The following IL18 variants were observed in gnomAD, a reference collection of about 807,000 sequenced individuals.
IL18 encodes interleukin 18.
In IL18, 8 loss-of-function variants were observed where a neutral mutation model predicts 14.2. The ratio of observed to expected loss-of-function variants is 0.56; its 90% confidence interval spans 0.33 to 1.01. The LOEUF (loss-of-function observed/expected upper bound fraction) is 1.01. Ranked by LOEUF, IL18 falls within the 50% of genes least tolerant of loss-of-function variation. IL18 has a pLI of 0.03. For missense variants in IL18, 166 were observed against 231.1 expected, an observed-to-expected ratio of 0.72 and a Z score of 1.83; for synonymous variants, 67 against 71.0, an observed-to-expected ratio of 0.94 and a Z score of 0.28.
At chr11:112,163,571 T>C (rs865865008) in intron 1 of IL18, among the ~76,000 whole-genome samples, 9 of 150,700 alleles carry the variant, frequency 6.0e-5, no homozygotes, top group Admixed American at 3.3e-4. Flanking sequence ...CTTGTAAAAA[T>C]AAAAAAGTGT....
chr11:112,144,412 A>AT (rs1230150484), intron 5 of IL18, among the ~76,000 whole-genome samples: 2 of 152,062 alleles, frequency 1.3e-5, no homozygotes, highest in African/African-American at 4.8e-5. Flanking sequence ...TTTAAAATTT[A>AT]TTTTTGTAGA....
At chr11:112,144,311 C>A (rs1009360460) in intron 5 of IL18, among the ~76,000 whole-genome samples, 1 of 152,246 alleles carries the variant, frequency 6.6e-6, no homozygotes, top group African/African-American at 2.4e-5. Flanking sequence ...TAGCTCACTG[C>A]AGCCTTGAAT....
chr11:112,150,271 G>A (rs1356147153), intron 3 of IL18, 65 bp from the exon 4 acceptor site: 2 of 1,103,178 alleles, frequency 1.8e-6, no homozygotes, highest in Non-Finnish European at 2.7e-6. Context: ...AAATAAGTAT[G>A]CTATATATTT....
chr11:112,163,324 G>A (rs5744231), intron 1 of IL18, among the ~76,000 whole-genome samples: 3,925 of 148,668 alleles, frequency 0.026, 184 homozygotes, highest in African/African-American at 0.089. Context: ...TTGAGATTCC[G>A]TTTAAAGAGA....
rs549908 is a variant in IL18, at chr11:112,150,193, T to A, written c.105A>T (p.Ser35=). 2 of 1,557,752 alleles carry A rather than the reference T, an allele frequency of 1.3e-6. No homozygotes were observed. Among genetic ancestry groups the A allele is most frequent in the Non-Finnish European group, 1.8e-6 (2 of 1,134,174 alleles). The part of the protein sequence containing the change: ...FIAEDDENLE[S]DYFGKLESKL... ...TAGATTCAAGCTTGCCAAAGTAATC[T>A]GATTCCAGGTTTTCTACAATAAACA... is the stretch of plus-strand genomic sequence containing the variant. Residue 35 remains serine (S), a synonymous_variant, in exon 4 of 6, where the codon TCA becomes TCT. Coordinates refer to ENST00000280357, the MANE Select transcript of IL18 (RefSeq NM_001562.4).
chr11:112,148,797 C>T (rs1310322077), intron 4 of IL18, 61 bp from the exon 5 acceptor site: 10 of 1,151,018 alleles, frequency 8.7e-6, no homozygotes, highest in East Asian at 6.2e-5. Flanking sequence ...GGAACATTTG[C>T]GGAAATTTAA....
intron 3 of IL18, among the ~76,000 whole-genome samples, chr11:112,152,162 A>C (rs1041862456): frequency 6.6e-6 from 1 of 152,140 alleles, no homozygotes; most frequent in African/African-American, 2.4e-5. Flanking sequence ...CTTTGTATAC[A>C]CCAAAACCTG....
intron 1 of IL18, among the ~76,000 whole-genome samples, chr11:112,162,376 T>G (rs1053962127): frequency 1.3e-5 from 2 of 150,822 alleles, no homozygotes; most frequent in African/African-American, 2.4e-5. Flanking sequence ...GGTCTTGCTC[T>G]ATCACCCAGG....
At chr11:112,149,149 G>T (rs541498956) in intron 4 of IL18, among the ~76,000 whole-genome samples, 2 of 152,038 alleles carry the variant, frequency 1.3e-5, no homozygotes, top group East Asian at 3.9e-4. Context: ...AAATTAGCCG[G>T]GTGTAAGTGG....
chr11:112,154,349 AC>A (rs1866496685), intron 2 of IL18, among the ~76,000 whole-genome samples: 2 of 151,892 alleles, frequency 1.3e-5, no homozygotes, highest in African/African-American at 4.8e-5. Flanking sequence ...ACATGGCAAA[AC>A]CCTGTCTCTA....
intron 1 of IL18, among the ~76,000 whole-genome samples, chr11:112,162,244 T>G (rs890072035): frequency 6.6e-6 from 1 of 152,042 alleles, no homozygotes; most frequent in Non-Finnish European, 1.5e-5. Flanking sequence ...AAGATTTGAA[T>G]AGATAGAGAA....
intron 1 of IL18, among the ~76,000 whole-genome samples, chr11:112,160,310 G>GT (rs1204209283): frequency 1.5e-4 from 6 of 40,378 alleles, no homozygotes; most frequent in African/African-American, 6.5e-4. Flanking sequence ...CCCTTCCCCT[G>GT]CCTTTTTTTT....
intron 3 of IL18, chr11:112,150,715 G>A (rs1035315902): frequency 6.5e-6 from 1 of 153,874 alleles, no homozygotes; most frequent in Non-Finnish European, 1.4e-5. Flanking sequence ...CGTTCAAATC[G>A]GTGCCATTAC....
In IL18 at chr11:112,146,927, C is replaced by CTT. The variant is rs36051933; in HGVS notation, c.360+1674_360+1675dup. ...TAAGCTTATGCCTTTGGTAATTTTACTTTTTTTTTTTTTTTTTTTTGAGAC... is the reference window on the plus strand; with the variant it reads ...TAAGCTTATGCCTTTGGTAATTTTACTTTTTTTTTTTTTTTTTTTTTTGAGAC... On this transcript the variant is annotated intron_variant, in intron 5 of 5. Transcript: ENST00000280357. Among the ~76,000 whole-genome samples, 323 of 125,356 alleles carry CTT rather than the reference C, an allele frequency of 2.6e-3. 3 individuals carry two copies. The highest frequency in any genetic ancestry group is 8.0e-3 in the African/African-American group (263 of 32,918). The allele number at this position is 125,356 out of a possible 152,430, so 82.2% of individuals were successfully genotyped here.
At chr11:112,154,011 G>T (rs1866491166) in intron 2 of IL18, among the ~76,000 whole-genome samples, 1 of 152,032 alleles carries the variant, frequency 6.6e-6, no homozygotes, top group Admixed American at 6.6e-5. Flanking sequence ...GCAGGCTGGA[G>T]TGTAGGGGTG....
At chr11:112,152,200 T>G (rs111657179) in intron 3 of IL18, among the ~76,000 whole-genome samples, 12 of 152,358 alleles carry the variant, frequency 7.9e-5, no homozygotes, top group Non-Finnish European at 1.8e-4. Context: ...CCTATTTCAC[T>G]GAATGGTACA....
intron 5 of IL18, among the ~76,000 whole-genome samples, chr11:112,146,927 C>CTTTTT (rs36051933): frequency 2.4e-5 from 3 of 125,354 alleles, no homozygotes; most frequent in Non-Finnish European, 3.3e-5. Context: ...GGTAATTTTA[C>CTTTTT]TTTTTTTTTT....
chr11:112,157,641 C>T (rs1866556416), intron 1 of IL18, among the ~76,000 whole-genome samples: 1 of 152,128 alleles, frequency 6.6e-6, no homozygotes. Context: ...AAAGTGATGA[C>T]TGTGCTACCT....
chr11:112,148,773 A>G, intron 4 of IL18, 37 bp from the exon 5 acceptor site: 1 of 1,298,796 alleles, frequency 7.7e-7, no homozygotes, highest in South Asian at 1.9e-5. Context: ...TCTAGTTAGA[A>G]GAATTCTTGC....
Sources: gnomAD v4.1 joint callset for allele counts (sites outside exome capture counted in the v4.1 genomes callset) on GRCh38, gnomAD v4.1.1 for gene constraint, MANE v1.5 for transcripts, NCBI Gene and HGNC (gene_info 2026-07-23, HGNC 2026-07-21) for gene names.